The following JPH1 variants were observed in gnomAD, a reference collection of about 807,000 sequenced individuals.
JPH1 encodes the protein junctophilin-1.
A neutral mutation model predicts 53.6 loss-of-function variants in JPH1; 12 were observed. The observed-to-expected ratio is 0.22, with a 90% CI of 0.14 to 0.36. JPH1 has a LOEUF of 0.36. JPH1 is among the 10% of genes least tolerant of loss of function. JPH1 has a pLI of 1.00. For missense variants in JPH1, 808 were observed against 905.5 expected (o/e 0.89, Z 1.38); for synonymous variants, 375 against 363.8 (o/e 1.03, Z -0.35).
Position 74,320,726 on chromosome 8 carries a change from C to T in JPH1, c.379+183G>A, listed in dbSNP as rs549744480. 1.3e-5 allele frequency among the ~76,000 whole-genome samples: 2 copies of T among 152,300 alleles called. No homozygotes were observed. Among genetic ancestry groups the T allele is most frequent in the Admixed American group, 1.3e-4 (2 of 15,304 alleles). On this transcript the variant is annotated intron_variant, in intron 1 of 5. Coordinates refer to ENST00000342232, the MANE Select transcript of JPH1 (RefSeq NM_020647.4). This position sits in a 1 kb window ranked among gnomAD's most constrained non-coding sequence, Gnocchi z 4.4. ...GGGGTCAGATCCAGCCCTCGCGCCC[C>T]AGTCCGGTCCCAGCGCCCTCTCTGG...
At chr8:74,319,119 T>C (rs1808242171) in intron 1 of JPH1, among the ~76,000 whole-genome samples, 2 of 152,122 alleles carry the variant, frequency 1.3e-5, no homozygotes, top group Non-Finnish European at 2.9e-5. Flanking sequence ...GGAGACTTAT[T>C]TGGGTTTCTA....
rs1417649154 is a variant in JPH1, at chr8:74,281,112, C to T, written c.1140-21609G>A. Among the ~76,000 whole-genome samples the T allele has an allele frequency of 2.6e-5, 4 of 152,312 alleles. No homozygotes were observed. The East Asian group carries it at 5.8e-4, about 22-fold the overall frequency. On this transcript the variant is annotated intron_variant, in intron 2 of 5. Coordinates refer to ENST00000342232, the MANE Select transcript of JPH1 (RefSeq NM_020647.4). ...GGGAAATATCTGCCAACTTGTGCTA[C>T]TTGTTTGCTTATTTTACTGGTTCTT...
intron 2 of JPH1, among the ~76,000 whole-genome samples, chr8:74,273,808 T>C (rs1267196144): frequency 6.6e-6 from 1 of 152,168 alleles, no homozygotes; most frequent in African/African-American, 2.4e-5. Context: ...CTTCTAAGCT[T>C]TTGAGTGATT....
intron 3 of JPH1, among the ~76,000 whole-genome samples, chr8:74,246,625 T>C (rs905086655): frequency 5.9e-5 from 9 of 152,008 alleles, no homozygotes; most frequent in Non-Finnish European, 1.2e-4. Flanking sequence ...ATAGCTCCCA[T>C]TATCTTTTCA....
At chr8:74,304,444 G>A (rs1249062140) in intron 2 of JPH1, among the ~76,000 whole-genome samples, 1 of 152,184 alleles carries the variant, frequency 6.6e-6, no homozygotes, top group Non-Finnish European at 1.5e-5. Flanking sequence ...AGTGTCTGGG[G>A]CTGGTGGGTG....
chr8:74,289,827 T>A (rs749911846), intron 2 of JPH1, among the ~76,000 whole-genome samples: 94 of 152,228 alleles, frequency 6.2e-4, no homozygotes, highest in Non-Finnish European at 1.1e-3. Flanking sequence ...ATTGAGATAA[T>A]CATGTGGTTT....
intron 2 of JPH1, among the ~76,000 whole-genome samples, chr8:74,282,884 C>T (rs1466207558): frequency 6.6e-6 from 1 of 152,158 alleles, no homozygotes; most frequent in Non-Finnish European, 1.5e-5. Flanking sequence ...TTGATCATTA[C>T]ACATTGTATA....
chr8:74,251,975 C>T (rs960221386), intron 3 of JPH1, among the ~76,000 whole-genome samples: 3 of 152,214 alleles, frequency 2.0e-5, no homozygotes, highest in African/African-American at 4.8e-5. Flanking sequence ...AAAACAGAGA[C>T]ATAGACCAAT....
At chr8:74,305,443 T>A (rs572300814) in intron 2 of JPH1, among the ~76,000 whole-genome samples, 1 of 152,298 alleles carries the variant, frequency 6.6e-6, no homozygotes, top group African/African-American at 2.4e-5. Context: ...CCAGAAAACA[T>A]AGGAGTAGGG....
chr8:74,238,748 C>T (rs1021865080), intron 4 of JPH1, among the ~76,000 whole-genome samples: 1 of 152,276 alleles, frequency 6.6e-6, no homozygotes, highest in African/African-American at 2.4e-5. Context: ...GCCTTGACCT[C>T]CCAGGTTCAA....
At chr8:74,277,701 T>C (rs1806888013) in intron 2 of JPH1, among the ~76,000 whole-genome samples, 1 of 152,194 alleles carries the variant, frequency 6.6e-6, no homozygotes, top group African/African-American at 2.4e-5. Context: ...AGAACCCACC[T>C]CTTAGGGCTA....
intron 2 of JPH1, among the ~76,000 whole-genome samples, chr8:74,266,549 T>C (rs993342381): frequency 5.3e-5 from 8 of 152,006 alleles, no homozygotes; most frequent in Middle Eastern, 3.2e-3. Context: ...GAGGGGAGAA[T>C]AAAGCATTAT....
chr8:74,282,540 T>G (rs1302397475), intron 2 of JPH1, among the ~76,000 whole-genome samples: 2 of 152,198 alleles, frequency 1.3e-5, no homozygotes, highest in Non-Finnish European at 2.9e-5. Flanking sequence ...ATGTATATAT[T>G]TGAAAATAAG....
chr8:74,310,234 T>C (rs2131458720), intron 2 of JPH1, among the ~76,000 whole-genome samples: 1 of 151,332 alleles, frequency 6.6e-6, no homozygotes, highest in Admixed American at 6.6e-5. Context: ...AGCTTCTAGG[T>C]ACACTCATTT....
At chr8:74,303,582 T>C (rs1807745410) in intron 2 of JPH1, among the ~76,000 whole-genome samples, 1 of 152,116 alleles carries the variant, frequency 6.6e-6, no homozygotes, top group Admixed American at 6.5e-5. Context: ...AGTTAGCAGA[T>C]AACTATTTTT....
chr8:74,268,354 GGAGAAAAGAA>G (rs1435880874), intron 2 of JPH1, among the ~76,000 whole-genome samples: 1 of 152,062 alleles, frequency 6.6e-6, no homozygotes, highest in Non-Finnish European at 1.5e-5. Context: ...GTCTCTTCTG[GGAGAAAAGAA>G]GGGAAAAGGT....
At chr8:74,305,764 C>T (rs117743441) in intron 2 of JPH1, among the ~76,000 whole-genome samples, 1,714 of 152,258 alleles carry the variant, frequency 0.011, 14 homozygotes, top group Middle Eastern at 0.027. Flanking sequence ...CCTTGCCCTC[C>T]CTGTTTAATC....
intron 2 of JPH1, 39 bp downstream of exon 2, chr8:74,314,822 G>T: frequency 1.2e-6 from 2 of 1,610,522 alleles, no homozygotes; most frequent in South Asian, 2.2e-5. Flanking sequence ...CCATTGTTCT[G>T]ACCAACCCAG....
intron 2 of JPH1, among the ~76,000 whole-genome samples, chr8:74,274,386 C>G (rs1423802522): frequency 6.6e-6 from 1 of 152,194 alleles, no homozygotes; most frequent in Non-Finnish European, 1.5e-5. Context: ...TTTTCAAAGA[C>G]CAATTTCCAG....
Sources: gnomAD v4.1 joint callset for allele counts (sites outside exome capture counted in the v4.1 genomes callset) on GRCh38, gnomAD v4.1.1 for gene constraint, Gnocchi (gnomAD v3.1) non-coding constraint, MANE v1.5 for transcripts, NCBI Gene and HGNC (gene_info 2026-07-23, HGNC 2026-07-21) for gene names.